COL18A1: variants seen among roughly 807,000 people sequenced by gnomAD.
The protein encoded by COL18A1 is collagen alpha-1(XVIII) chain.
In COL18A1, 133 loss-of-function variants were observed where a neutral mutation model predicts 168.0. The observed-to-expected ratio is 0.79, with a 90% CI of 0.69 to 0.91. COL18A1 has a LOEUF of 0.91. Ranked by LOEUF, COL18A1 falls within the 40% of genes least tolerant of loss-of-function variation. The probability of loss-of-function intolerance (pLI) is 0.00; values close to 1 mark genes in which losing one functional copy is unlikely to be tolerated. For missense variants in COL18A1, 2,126 were observed against 1,925.4 expected (o/e 1.10, Z -1.95); for synonymous variants, 949 against 809.0 (o/e 1.17, Z -2.94).
At position 45,455,602 on chromosome 21, in the gene COL18A1, C is replaced by A. The variant is rs767332921; in HGVS notation, c.107-12640C>A. The A allele has an allele frequency of 1.2e-6, 2 of 1,613,982 alleles. No homozygotes were observed. The highest frequency in any genetic ancestry group is 1.7e-6 in the Non-Finnish European group (2 of 1,180,028). ...GCTGCCTGGCGGCTGCCCGGGCCAA[C>A]CTGCTGAACCTGAACTGGCTTTGGT... On this transcript the variant is annotated intron_variant, in intron 2 of 41. Transcript: ENST00000651438.
intron 21 of COL18A1, 97 bp downstream of exon 21, chr21:45,490,968 A>T (rs947718908): frequency 4.4e-5 from 53 of 1,210,056 alleles, no homozygotes; most frequent in Non-Finnish European, 6.1e-5. Context: ...CCTGCTGCCC[A>T]TGTGACCTCA....
At position 45,510,058 on chromosome 21, in the gene COL18A1, C is replaced by A; in HGVS notation, c.3496-6C>A. 1 of 1,554,006 alleles carries A rather than the reference C, an allele frequency of 6.4e-7. No individual in the cohort carries two copies. The highest frequency in any genetic ancestry group is 8.7e-7 in the Non-Finnish European group (1 of 1,155,234). On this transcript the variant is annotated splice_region_variant and splice_polypyrimidine_tract_variant and intron_variant, in intron 39 of 41. Coordinates refer to ENST00000651438, the MANE Select transcript of COL18A1 (RefSeq NM_001379500.1). Reference sequence around the variant, plus strand: ...CACAGCCCGTGACGCGCCCCTCTCCCCGCAGCTCCACCTGGTTGCGCTCAA... The same window carrying A: ...CACAGCCCGTGACGCGCCCCTCTCCACGCAGCTCCACCTGGTTGCGCTCAA...
chr21:45,447,946 G>A (rs919201927), intron 2 of COL18A1, among the ~76,000 whole-genome samples: 3 of 152,130 alleles, frequency 2.0e-5, no homozygotes, highest in Non-Finnish European at 4.4e-5. Flanking sequence ...TCTTCTGCCA[G>A]CCTCCTCGGA....
chr21:45,430,783 C>A (rs963099800), intron 2 of COL18A1, among the ~76,000 whole-genome samples: 1 of 152,244 alleles, frequency 6.6e-6, no homozygotes, highest in African/African-American at 2.4e-5. Flanking sequence ...AGCCCGCACT[C>A]GTCCACCAAA....
At chr21:45,478,195 T>TGCGAGGACATCGGGGGAAG in intron 8 of COL18A1, 132 bp from the exon 9 acceptor site, 1 of 1,188,554 alleles carries the variant, frequency 8.4e-7, no homozygotes, top group Non-Finnish European at 1.2e-6. Flanking sequence ...CTGGCGCGGG[T>TGCGAGGACATCGGGGGAAG]GCGAGGACAT....
intron 4 of COL18A1, among the ~76,000 whole-genome samples, chr21:45,474,597 G>T (rs914807064): frequency 6.6e-6 from 1 of 152,276 alleles, no homozygotes; most frequent in Non-Finnish European, 1.5e-5. Context: ...TGTTGGTGGG[G>T]TGTGTGGAAT....
At chr21:45,502,838 C>T (rs1049942938) in intron 32 of COL18A1, 1 of 152,178 alleles carries the variant, frequency 6.6e-6, no homozygotes. Context: ...GAAAGAAGCG[C>T]GTTGCTCTTT....
At chr21:45,486,820 G>A in intron 15 of COL18A1, 41 bp from the exon 16 acceptor site, 5 of 1,525,592 alleles carry the variant, frequency 3.3e-6, no homozygotes, top group Non-Finnish European at 4.4e-6. Flanking sequence ...GGCCAGCGGG[G>A]GCTGGGCTGG....
In COL18A1 at chr21:45,455,144, C is replaced by T. The variant is rs556652807; in HGVS notation, c.107-13098C>T. 1.1e-4 allele frequency among the ~76,000 whole-genome samples: 17 copies of T among 152,354 alleles called. No individual in the cohort carries two copies. In the East Asian group the frequency reaches 3.1e-3, roughly 28 times the overall value. The stretch of plus-strand genomic sequence containing the variant: ...TCAGAGGGGGAGCAGGGGCTGGGGG[C>T]CGCTGCCTCAGTGCTTCTGGGATGG... On this transcript the variant is annotated intron_variant, in intron 2 of 41. Transcript: ENST00000651438.
At chr21:45,508,309 G>A (rs538871095) in intron 38 of COL18A1, among the ~76,000 whole-genome samples, 2 of 151,306 alleles carry the variant, frequency 1.3e-5, no homozygotes, top group African/African-American at 2.4e-5. Flanking sequence ...GGTGGTTGCT[G>A]GACAGGTGGG....
intron 2 of COL18A1, among the ~76,000 whole-genome samples, chr21:45,465,302 A>C (rs2035163209): frequency 2.0e-5 from 3 of 152,152 alleles, no homozygotes; most frequent in South Asian, 2.1e-4. Flanking sequence ...GGAGAGATTG[A>C]ATGTTGTAAA....
chr21:45,511,789 G>T (rs1292338349), intron 41 of COL18A1, among the ~76,000 whole-genome samples: 5 of 152,208 alleles, frequency 3.3e-5, no homozygotes, highest in African/African-American at 1.2e-4. Context: ...CCTGCCAAGG[G>T]TCTCTGACAG....
At chr21:45,505,630 G>A (rs995622274) in intron 36 of COL18A1, among the ~76,000 whole-genome samples, 199 bp downstream of exon 36, 1 of 152,182 alleles carries the variant, frequency 6.6e-6, no homozygotes, top group African/African-American at 2.4e-5. Context: ...GCCGGGAAGT[G>A]CCCAGGGCCT....
chr21:45,492,821 G>T, intron 24 of COL18A1, 108 bp downstream of exon 24: 1 of 873,818 alleles, frequency 1.1e-6, no homozygotes, highest in Non-Finnish European at 1.9e-6. Flanking sequence ...CAGGCCCGAG[G>T]GATAGCGACA....
chr21:45,472,027 A>G (rs1436639948), intron 3 of COL18A1, among the ~76,000 whole-genome samples: 2 of 151,902 alleles, frequency 1.3e-5, no homozygotes, highest in Admixed American at 1.3e-4. Context: ...CCCGTGCAGG[A>G]GGCGTCGGCC....
chr21:45,506,037 CGA>C (rs1247022109), intron 37 of COL18A1, 71 bp downstream of exon 37: 2 of 1,608,514 alleles, frequency 1.2e-6, no homozygotes, highest in African/African-American at 1.3e-5. Context: ...TTAAGGAAGG[CGA>C]GAGGCTCAGG....
At position 45,476,461 on chromosome 21, in the gene COL18A1, C is replaced by G. The variant is rs1248911867; in HGVS notation, c.909C>G (p.Thr303=). ...DSRSEEVEEQ[T]TVASLGAQTL... is the part of the protein sequence containing the mutation. ...GAAGTGAAGAAGTCGAGGAGCAGACCACGGTGGCTTCGTTAGGAGGTAAGC... is the reference window on the plus strand; with the variant it reads ...GAAGTGAAGAAGTCGAGGAGCAGACGACGGTGGCTTCGTTAGGAGGTAAGC... The change falls in exon 6 of 42, where the codon ACC becomes ACG. Residue 303 remains threonine, a synonymous_variant. Coordinates refer to ENST00000651438, the MANE Select transcript of COL18A1 (RefSeq NM_001379500.1). 5.0e-6 allele frequency: 8 copies of G among 1,612,074 alleles called. No homozygotes were observed. The highest frequency in any genetic ancestry group is 6.8e-6 in the Non-Finnish European group (8 of 1,179,226).
chr21:45,452,174 C>T (rs1186750881), intron 2 of COL18A1, among the ~76,000 whole-genome samples: 4 of 152,262 alleles, frequency 2.6e-5, no homozygotes, highest in African/African-American at 4.8e-5. Context: ...ACAGTCGGGC[C>T]CTTTACACAG....
chr21:45,491,079 A>AG (rs2036324015), intron 21 of COL18A1, 146 bp from the exon 22 acceptor site: 2 of 851,880 alleles, frequency 2.3e-6, no homozygotes, highest in Non-Finnish European at 3.9e-6. Context: ...CCTGCCTGGC[A>AG]GGGGGCTCCA....
Sources: gnomAD v4.1 joint callset for allele counts (sites outside exome capture counted in the v4.1 genomes callset) on GRCh38, gnomAD v4.1.1 for gene constraint, MANE v1.5 for transcripts, NCBI Gene and HGNC (gene_info 2026-07-23, HGNC 2026-07-21) for gene names.